The following CHRNA7 variants were observed in gnomAD, a reference collection of about 807,000 sequenced individuals.
CHRNA7 encodes neuronal acetylcholine receptor subunit alpha-7.
Under a neutral mutation model 48.0 loss-of-function variants are expected in CHRNA7, and 17 were observed. That is an observed-to-expected ratio of 0.35 (90% CI 0.24 to 0.53). CHRNA7 has a LOEUF of 0.53. CHRNA7 is among the 20% of genes least tolerant of loss of function. The probability of loss-of-function intolerance (pLI) is 0.92; values close to 1 mark genes in which losing one functional copy is unlikely to be tolerated. For missense variants in CHRNA7, 155 were observed against 577.7 expected, an observed-to-expected ratio of 0.27 and a Z score of 7.50; for synonymous variants, 75 against 242.3, an observed-to-expected ratio of 0.31 and a Z score of 6.41.
chr15:32,059,075 C>G (rs1333999770), intron 2 of CHRNA7, among the ~76,000 whole-genome samples: 2 of 152,012 alleles, frequency 1.3e-5, no homozygotes, highest in East Asian at 1.9e-4. Flanking sequence ...ATAATCTTGG[C>G]TCACTGCAAC....
At chr15:32,095,263 A>G (rs185300336) in intron 2 of CHRNA7, among the ~76,000 whole-genome samples, 20 of 152,328 alleles carry the variant, frequency 1.3e-4, no homozygotes, top group East Asian at 1.9e-4. Context: ...AGAAATGCCA[A>G]GCTCCCCATC....
At position 32,033,390 on chromosome 15, in the gene CHRNA7, G is replaced by T. The variant is rs190138472; in HGVS notation, c.195+2353G>T. On this transcript the variant is annotated intron_variant, in intron 2 of 9. Transcript: ENST00000306901. ...GGTCAAGAAGTCCATGCCTAGAAGG[G>T]TGTGGTCACATGCCCAAGGTCACTC... Among the ~76,000 whole-genome samples, 270 of 152,308 alleles carry T rather than the reference G, an allele frequency of 1.8e-3. 1 individual carries two copies. The highest frequency in any genetic ancestry group is 0.01 in the Middle Eastern group (3 of 294).
intron 2 of CHRNA7, among the ~76,000 whole-genome samples, chr15:32,092,991 G>C (rs2050407729): frequency 6.6e-6 from 1 of 152,368 alleles, no homozygotes; most frequent in Non-Finnish European, 1.5e-5. Context: ...GAGTCTGGCT[G>C]TGTGTATAGG....
intron 2 of CHRNA7, among the ~76,000 whole-genome samples, chr15:32,042,746 C>T (rs944803014): frequency 2.0e-5 from 3 of 152,140 alleles, no homozygotes; most frequent in Admixed American, 1.3e-4. Context: ...GTGTGTTCCC[C>T]TCTTAGTTGG....
chr15:32,048,527 A>T (rs1000969134), intron 2 of CHRNA7, among the ~76,000 whole-genome samples: 6 of 152,020 alleles, frequency 3.9e-5, no homozygotes, highest in Non-Finnish European at 8.8e-5. Flanking sequence ...CCCCTTTATC[A>T]TTTTTTATTG....
chr15:32,101,102 A>G, intron 2 of CHRNA7: 2 of 543,636 alleles, frequency 3.7e-6, no homozygotes, highest in Non-Finnish European at 6.3e-6. Context: ...GTGCTGTATA[A>G]TAAATGTGTC....
chr15:32,081,919 T>C (rs1041087587), intron 2 of CHRNA7, among the ~76,000 whole-genome samples: 14 of 152,166 alleles, frequency 9.2e-5, no homozygotes, highest in African/African-American at 3.4e-4. Flanking sequence ...AATCTTTTAG[T>C]TGCCTCAGTC....
intron 2 of CHRNA7, among the ~76,000 whole-genome samples, chr15:32,092,170 A>G (rs2050394676): frequency 1.3e-5 from 2 of 152,188 alleles, no homozygotes; most frequent in African/African-American, 4.8e-5. Context: ...TCCTGCCTTC[A>G]TGCCAGTAAC....
chr15:32,084,284 C>A (rs1328156385), intron 2 of CHRNA7, among the ~76,000 whole-genome samples: 1 of 152,172 alleles, frequency 6.6e-6, no homozygotes, highest in Non-Finnish European at 1.5e-5. Flanking sequence ...GGTTATAGTT[C>A]TTTCTGTTTA....
At chr15:32,045,844 G>A (rs553809881) in intron 2 of CHRNA7, among the ~76,000 whole-genome samples, 3 of 113,242 alleles carry the variant, frequency 2.6e-5, no homozygotes, top group African/African-American at 1.1e-4. Flanking sequence ...ACAGTCCCCA[G>A]AGTGTGATGT....
chr15:32,074,576 A>G (rs2050106485), intron 2 of CHRNA7, among the ~76,000 whole-genome samples: 1 of 150,770 alleles, frequency 6.6e-6, no homozygotes, highest in Non-Finnish European at 1.5e-5. Context: ...TTTATAATGA[A>G]TAGGTCTTGA....
chr15:32,044,253 C>CTTCCTTCCTTCCTTCCTTCCTTCCT (rs1555373125), intron 2 of CHRNA7, among the ~76,000 whole-genome samples: 5 of 140,918 alleles, frequency 3.5e-5, no homozygotes, highest in Non-Finnish European at 6.1e-5. Flanking sequence ...CGATCTTTTC[C>CTTCCTTCCTTCCTTCCTTCCTTCCT]TCCTTCCTTC....
chr15:32,086,380 A>G (rs1475633280), intron 2 of CHRNA7, among the ~76,000 whole-genome samples: 2 of 151,828 alleles, frequency 1.3e-5, no homozygotes, highest in Non-Finnish European at 2.9e-5. Context: ...AAAAAAAAAA[A>G]AAAAAAAAAA....
At position 32,034,677 on chromosome 15, in the gene CHRNA7, A is replaced by C. The variant is rs1901999362; in HGVS notation, c.195+3640A>C. Among the ~76,000 whole-genome samples the C allele has an allele frequency of 3.9e-5, 6 of 152,198 alleles. 1 individual carries two copies. Among genetic ancestry groups the C allele is most frequent in the Admixed American group, 3.9e-4 (6 of 15,272 alleles). On this transcript the variant is annotated intron_variant, in intron 2 of 9. Transcript: ENST00000306901. Reference sequence around the variant, plus strand: ...GCCTGCCATAGCATATTTTCCTAGAAAAGGAAATAGTCCAAACCATGATAT... The same window carrying C: ...GCCTGCCATAGCATATTTTCCTAGACAAGGAAATAGTCCAAACCATGATAT...
At chr15:32,104,488 T>A (rs1206166489) in intron 3 of CHRNA7, among the ~76,000 whole-genome samples, 1 of 152,214 alleles carries the variant, frequency 6.6e-6, no homozygotes, top group African/African-American at 2.4e-5. Context: ...TCCCAAAGGC[T>A]TCTCACCATG....
At chr15:32,138,712 T>C (rs1485178286) in intron 4 of CHRNA7, among the ~76,000 whole-genome samples, 1 of 151,524 alleles carries the variant, frequency 6.6e-6, no homozygotes, top group Non-Finnish European at 1.5e-5. Context: ...CTGCAATCCA[T>C]GGCAGCCATT....
intron 2 of CHRNA7, among the ~76,000 whole-genome samples, chr15:32,087,960 G>A (rs1387346987): frequency 6.6e-6 from 1 of 152,044 alleles, no homozygotes; most frequent in Non-Finnish European, 1.5e-5. Context: ...TATTTGTTTT[G>A]TATTTTGCAT....
At chr15:32,055,690 T>TTGCAGTTGGCCAGAG (rs2049774878) in intron 2 of CHRNA7, among the ~76,000 whole-genome samples, 1 of 152,090 alleles carries the variant, frequency 6.6e-6, no homozygotes, top group African/African-American at 2.4e-5. Context: ...ATTCAAACCA[T>TTGCAGTTGGCCAGAG]TGCAGTTGGC....
At chr15:32,078,090 T>A (rs1231430236) in intron 2 of CHRNA7, among the ~76,000 whole-genome samples, 1 of 152,228 alleles carries the variant, frequency 6.6e-6, no homozygotes, top group African/African-American at 2.4e-5. Context: ...TTTTGTTGAA[T>A]TTTAAGCACT....
Sources: allele counts gnomAD v4.1 joint callset (sites outside exome capture counted in the v4.1 genomes callset), GRCh38; gene constraint gnomAD v4.1.1; transcripts MANE v1.5; gene names NCBI Gene and HGNC (gene_info 2026-07-23, HGNC 2026-07-21).